Variants in PRMT3 observed in about 807,000 individuals in gnomAD.
The protein encoded by PRMT3 is protein arginine methyltransferase 3, also known as protein arginine N-methyltransferase 3.
PRMT3 carries 62 observed loss-of-function variants against 71.9 expected under a neutral mutation model. The observed-to-expected ratio is 0.86, with a 90% CI of 0.70 to 1.07. PRMT3 has a LOEUF of 1.07. PRMT3 is among the 50% of genes least tolerant of loss of function. The pLI is 0.00. For missense variants in PRMT3, 663 were observed against 643.0 expected (o/e 1.03, Z -0.34); for synonymous variants, 213 against 220.4 (o/e 0.97, Z 0.30).
chr11:20,395,840 CTCA>C lies in PRMT3; in HGVS notation c.440_442del (p.Ser147del). On this transcript the variant is annotated inframe_deletion, in exon 6 of 16. Coordinates refer to ENST00000331079, the MANE Select transcript of PRMT3 (RefSeq NM_005788.4). ...TTTATGAACCGGTGTCAGTACCCTTCTCATACCCCAATGGACTCAGTGAAAATA... is the reference window on the plus strand; with the variant it reads ...TTTATGAACCGGTGTCAGTACCCTTCTACCCCAATGGACTCAGTGAAAATA... 1 of 1,613,880 alleles carries C rather than the reference CTCA, an allele frequency of 6.2e-7. No homozygotes were observed. Among genetic ancestry groups the C allele is most frequent in the South Asian group, 1.1e-5 (1 of 91,036 alleles).
At chr11:20,462,927 G>A (rs1352200458) in intron 12 of PRMT3, among the ~76,000 whole-genome samples, 1 of 151,156 alleles carries the variant, frequency 6.6e-6, no homozygotes, top group Non-Finnish European at 1.5e-5. Flanking sequence ...GTGCAGTGGC[G>A]CAATCTCGGC....
At position 20,501,865 on chromosome 11, in the gene PRMT3, G is replaced by A. The variant is rs917858111; in HGVS notation, c.1487-6439G>A. 3.9e-5 allele frequency among the ~76,000 whole-genome samples: 6 copies of A among 151,930 alleles called. No homozygotes were observed. In the South Asian group the frequency reaches 6.2e-4, roughly 16 times the overall value. On this transcript the variant is annotated intron_variant, in intron 15 of 15. Coordinates refer to ENST00000331079, the MANE Select transcript of PRMT3 (RefSeq NM_005788.4). ...ATTTGGCTTTGAAAATATAAAATCA[G>A]GCTATTTCTCTTTATTTATCCATAC...
In PRMT3 at chr11:20,397,581, T is replaced by C. The variant is rs755685078; in HGVS notation, c.565T>C (p.Phe189Leu). Residue 189 changes from phenylalanine (F) to leucine (L), a missense_variant, in exon 7 of 16, where the codon TTT becomes CTT. Physicochemically the swap from Phe to Leu is conservative, Grantham distance 22. Coordinates refer to ENST00000331079, the MANE Select transcript of PRMT3 (RefSeq NM_005788.4). ...AREDLQKMKQ[F>L]AQDFVMHTDV... ...TGTATTTCAAATTGATTACAGACAA[T>C]TTGCTCAGGATTTTGTGATGCACAC... The C allele has an allele frequency of 2.5e-6, 4 of 1,613,848 alleles. No homozygotes were observed. Among genetic ancestry groups the C allele is most frequent in the Non-Finnish European group, 3.4e-6 (4 of 1,179,966 alleles).
intron 10 of PRMT3, among the ~76,000 whole-genome samples, chr11:20,428,978 G>A (rs1312065529): frequency 1.3e-5 from 2 of 152,148 alleles, no homozygotes; most frequent in African/African-American, 4.8e-5. Flanking sequence ...TTACTTGTGG[G>A]CATTGTCAAG....
At chr11:20,443,257 T>C (rs1849949360) in intron 10 of PRMT3, among the ~76,000 whole-genome samples, 1 of 152,166 alleles carries the variant, frequency 6.6e-6, no homozygotes, top group South Asian at 2.1e-4. Flanking sequence ...GGAGGAAGTA[T>C]GTGTTTGACT....
intron 13 of PRMT3, among the ~76,000 whole-genome samples, chr11:20,474,604 G>C (rs1850733874): frequency 6.6e-6 from 1 of 152,186 alleles, no homozygotes; most frequent in South Asian, 2.1e-4. Flanking sequence ...GATCTCCTAG[G>C]TGCAAAGATC....
At chr11:20,398,159 G>T (rs10766668) in intron 7 of PRMT3, among the ~76,000 whole-genome samples, 2 of 152,030 alleles carry the variant, frequency 1.3e-5, no homozygotes, top group South Asian at 2.1e-4. Flanking sequence ...CTATTAAATA[G>T]GAACAATTAG....
At chr11:20,437,881 G>A (rs1849797791) in intron 10 of PRMT3, among the ~76,000 whole-genome samples, 1 of 152,136 alleles carries the variant, frequency 6.6e-6, no homozygotes, top group Non-Finnish European at 1.5e-5. Flanking sequence ...GAGCCACTGC[G>A]CCCGGCCGGC....
chr11:20,398,046 ATCAG>A (rs1196374106), intron 7 of PRMT3, among the ~76,000 whole-genome samples: 1 of 150,784 alleles, frequency 6.6e-6, no homozygotes, highest in Non-Finnish European at 1.5e-5. Context: ...TTACAGAGGC[ATCAG>A]TCATTTGTAC....
rs1370791593 is a variant in PRMT3, at chr11:20,453,644, A to G, written c.1072+1436A>G. ...TGCAACCATTTCAAGATATGTTCCC[A>G]ATCTCTGTCATGAACCTGGCTAGAA... On this transcript the variant is annotated intron_variant, in intron 11 of 15. Coordinates refer to ENST00000331079, the MANE Select transcript of PRMT3 (RefSeq NM_005788.4). Among the ~76,000 whole-genome samples the G allele has an allele frequency of 1.8e-4, 28 of 152,192 alleles. 1 individual carries two copies. The highest frequency in any genetic ancestry group is 1.8e-3 in the Admixed American group (28 of 15,274).
chr11:20,423,256 A>G (rs1312450318), intron 9 of PRMT3, among the ~76,000 whole-genome samples: 1 of 152,082 alleles, frequency 6.6e-6, no homozygotes, highest in Non-Finnish European at 1.5e-5. Flanking sequence ...TTCATTGTAC[A>G]TTTATGTCAG....
Position 20,464,426 on chromosome 11 carries a change from C to G in PRMT3, c.1261-34C>G, listed in dbSNP as rs751383447. ...GTTTTTTTTTTTTGGACTATTTTTACTAAGCTCTTTCTTCACTTCTTTTTA... is the reference window on the plus strand; with the variant it reads ...GTTTTTTTTTTTTGGACTATTTTTAGTAAGCTCTTTCTTCACTTCTTTTTA... On this transcript the variant is annotated intron_variant, in intron 12 of 15. Transcript: ENST00000331079. The G allele has an allele frequency of 6.3e-6, 9 of 1,425,136 alleles. No homozygotes were observed. In the Admixed American group the frequency reaches 2.1e-4, roughly 34 times the overall value. 88.3% of individuals were successfully genotyped at this position (1,425,136 alleles called of 1,614,324 possible).
rs1209377929 is a variant in PRMT3, at chr11:20,508,502, G to A, written c.*89G>A. On this transcript the variant is annotated 3_prime_UTR_variant, in exon 16 of 16. Transcript: ENST00000331079. ...GGAGCTGGTTTTATGTGAGCAGATG[G>A]ATGGATGATGGACCCTTTCCTAATG... The A allele has an allele frequency of 2.4e-6, 2 of 849,418 alleles. No individual in the cohort carries two copies. 52.6% of individuals were successfully genotyped at this position (849,418 alleles called of 1,614,324 possible).
At chr11:20,453,821 C>T (rs935566930) in intron 11 of PRMT3, among the ~76,000 whole-genome samples, 3 of 151,876 alleles carry the variant, frequency 2.0e-5, no homozygotes, top group Non-Finnish European at 2.9e-5. Context: ...AGGGGGGTTT[C>T]GGAGTACAGT....
chr11:20,402,281 G>T (rs1437030106), intron 7 of PRMT3, among the ~76,000 whole-genome samples: 2 of 151,844 alleles, frequency 1.3e-5, no homozygotes, highest in Non-Finnish European at 2.9e-5. Context: ...CACCACACCC[G>T]ACTAATTTTG....
chr11:20,486,266 A>G (rs529038776), intron 13 of PRMT3, among the ~76,000 whole-genome samples: 1 of 152,334 alleles, frequency 6.6e-6, no homozygotes, highest in African/African-American at 2.4e-5. Context: ...TGAGTATACT[A>G]AAGAATGTTG....
At chr11:20,398,728 TTGCC>T (rs1274477930) in intron 7 of PRMT3, among the ~76,000 whole-genome samples, 6 of 152,352 alleles carry the variant, frequency 3.9e-5, no homozygotes, top group Admixed American at 1.3e-4. Flanking sequence ...TGTGTTACAG[TTGCC>T]TACAGTATTC....
At chr11:20,390,356 A>G (rs1440194014) in intron 3 of PRMT3, among the ~76,000 whole-genome samples, 1 of 152,198 alleles carries the variant, frequency 6.6e-6, no homozygotes, top group African/African-American at 2.4e-5. Flanking sequence ...TCAACTAAAA[A>G]CAAAAACAGA....
intron 13 of PRMT3, among the ~76,000 whole-genome samples, chr11:20,483,673 C>A (rs1851000911): frequency 6.6e-6 from 1 of 152,084 alleles, no homozygotes; most frequent in South Asian, 2.1e-4. Flanking sequence ...AATGTAATTT[C>A]TAGCCCTAGA....
Sources: allele counts gnomAD v4.1 joint callset (sites outside exome capture counted in the v4.1 genomes callset), GRCh38; gene constraint gnomAD v4.1.1; transcripts MANE v1.5; gene names NCBI Gene and HGNC (gene_info 2026-07-23, HGNC 2026-07-21).